Variants in DLGAP2 observed in about 807,000 individuals in gnomAD.
DLGAP2 encodes DLG associated protein 2, also known as disks large-associated protein 2.
A neutral mutation model predicts 100.3 loss-of-function variants in DLGAP2; 26 were observed. The observed-to-expected ratio is 0.26, with a 90% CI of 0.19 to 0.36. The LOEUF is 0.36. DLGAP2 is among the 10% of genes least tolerant of loss of function. DLGAP2 has a pLI of 1.00. For synonymous variants in DLGAP2, 886 were observed against 630.1 expected (o/e 1.41, Z -6.08); for missense variants, 1,858 against 1,453.2 (o/e 1.28, Z -4.53).
chr8:901,283 C>A (rs1373774432), intron 1 of DLGAP2, among the ~76,000 whole-genome samples: 2 of 152,186 alleles, frequency 1.3e-5, no homozygotes, highest in African/African-American at 4.8e-5. Flanking sequence ...CAGAGCAAGA[C>A]CCTGTCTCAT....
intron 8 of DLGAP2, among the ~76,000 whole-genome samples, chr8:1,633,913 G>C (rs1044038639): frequency 6.6e-6 from 1 of 152,218 alleles, no homozygotes; most frequent in South Asian, 2.1e-4. Flanking sequence ...CATAACAGGA[G>C]AGAAGCAAAG....
intron 3 of DLGAP2, among the ~76,000 whole-genome samples, chr8:1,312,302 C>G (rs918355485): frequency 5.3e-5 from 8 of 152,192 alleles, no homozygotes; most frequent in African/African-American, 1.9e-4. Flanking sequence ...AGAGACCGCA[C>G]CGAAGGCACC....
At position 1,622,005 on chromosome 8, in the gene DLGAP2, G is replaced by A. The variant is rs1797356198; in HGVS notation, c.1443-4735G>A. ...TTTACCCTGAATGTGGAAATGATCTGGAAAGAAGCCATTTTCTGAAATCCA... is the reference window on the plus strand; with the variant it reads ...TTTACCCTGAATGTGGAAATGATCTAGAAAGAAGCCATTTTCTGAAATCCA... On this transcript the variant is annotated intron_variant, in intron 6 of 14. Coordinates refer to ENST00000637795, the MANE Select transcript of DLGAP2 (RefSeq NM_001346810.2). 2.0e-5 allele frequency: 3 copies of A among 152,200 alleles called. No homozygotes were observed. The South Asian group carries it at 6.2e-4, about 31-fold the overall frequency. 9.4% of individuals were successfully genotyped at this position (152,200 alleles called of 1,614,324 possible).
intron 2 of DLGAP2, among the ~76,000 whole-genome samples, chr8:1,076,361 T>C (rs1400892120): frequency 6.6e-6 from 1 of 152,224 alleles, no homozygotes; most frequent in Non-Finnish European, 1.5e-5. Flanking sequence ...TACGTGGCAG[T>C]GAGTCGCAGC....
chr8:893,184 C>G (rs1798071464), intron 1 of DLGAP2: 1 of 152,308 alleles, frequency 6.6e-6, no homozygotes, highest in Admixed American at 6.5e-5. Context: ...AGAAGTGGAA[C>G]CGAGGGCAGG....
intron 2 of DLGAP2, among the ~76,000 whole-genome samples, chr8:1,256,033 G>A (rs1347866678): frequency 8.2e-6 from 1 of 121,678 alleles, no homozygotes; most frequent in South Asian, 2.9e-4. Flanking sequence ...TCTCCTGCCC[G>A]GGTGCTGTGT....
chr8:759,852 G>A (rs1198373101), intron 1 of DLGAP2, among the ~76,000 whole-genome samples: 2 of 152,080 alleles, frequency 1.3e-5, no homozygotes, highest in African/African-American at 4.8e-5. Context: ...ACGATAAATT[G>A]CACCTTAATT....
chr8:1,585,348 C>T (rs1400755302), intron 6 of DLGAP2, among the ~76,000 whole-genome samples: 1 of 134,178 alleles, frequency 7.5e-6, no homozygotes, highest in African/African-American at 2.7e-5. Flanking sequence ...CCTGTAATCC[C>T]AGGTACCCAG....
chr8:1,012,227 T>C (rs932481599), intron 2 of DLGAP2, among the ~76,000 whole-genome samples: 1 of 152,196 alleles, frequency 6.6e-6, no homozygotes, highest in African/African-American at 2.4e-5. Context: ...ACACCCCTGC[T>C]GACTTCCATC....
intron 3 of DLGAP2, among the ~76,000 whole-genome samples, chr8:1,444,268 A>G (rs369024781): frequency 1.3e-5 from 2 of 152,226 alleles, no homozygotes; most frequent in African/African-American, 4.8e-5. Flanking sequence ...ATCGTCTTCA[A>G]TACTATGGCT....
intron 4 of DLGAP2, among the ~76,000 whole-genome samples, chr8:1,514,211 T>G (rs553117238): frequency 1.3e-5 from 2 of 152,336 alleles, no homozygotes; most frequent in Admixed American, 6.5e-5. Context: ...TAGAGATATG[T>G]TTTCTCTCCA....
chr8:982,883 A>ATTTT (rs35686773), intron 2 of DLGAP2, among the ~76,000 whole-genome samples: 7 of 117,322 alleles, frequency 6.0e-5, no homozygotes, highest in African/African-American at 1.7e-4. Context: ...TAAAGGTAGG[A>ATTTT]TTTTTTTTTT....
chr8:1,140,606 C>A (rs1328909106), intron 2 of DLGAP2, among the ~76,000 whole-genome samples: 1 of 152,182 alleles, frequency 6.6e-6, no homozygotes, highest in Non-Finnish European at 1.5e-5. Flanking sequence ...CCTCCCTTCC[C>A]TCACTCAGCC....
chr8:1,126,266 A>G (rs1174068199), intron 2 of DLGAP2, among the ~76,000 whole-genome samples: 1 of 152,222 alleles, frequency 6.6e-6, no homozygotes, highest in Non-Finnish European at 1.5e-5. Context: ...TTAAGTAGGT[A>G]GGTCCTTGAA....
intron 2 of DLGAP2, among the ~76,000 whole-genome samples, chr8:925,319 C>T (rs1052612826): frequency 3.9e-5 from 6 of 151,958 alleles, no homozygotes; most frequent in Non-Finnish European, 7.4e-5. Flanking sequence ...GGGGTGTCTC[C>T]TTATGTTGCC....
chr8:1,362,897 C>G (rs193070886), intron 3 of DLGAP2, among the ~76,000 whole-genome samples: 1 of 152,180 alleles, frequency 6.6e-6, no homozygotes, highest in Admixed American at 6.5e-5. Context: ...CTTCTCTTCT[C>G]GTCTTTCCCG....
intron 2 of DLGAP2, among the ~76,000 whole-genome samples, chr8:1,164,217 A>ATG (rs1796959790): frequency 1.6e-4 from 5 of 30,722 alleles, no homozygotes; most frequent in South Asian, 1.1e-3. Context: ...AGGGCCCGTC[A>ATG]TTTTGGTTTG....
chr8:1,210,475 G>A (rs1798080408), intron 2 of DLGAP2, among the ~76,000 whole-genome samples: 1 of 152,208 alleles, frequency 6.6e-6, no homozygotes, highest in South Asian at 2.1e-4. Context: ...GGGAAGGAGA[G>A]GGGCTCAAGC....
intron 4 of DLGAP2, among the ~76,000 whole-genome samples, chr8:1,545,889 G>C (rs759186458): frequency 6.6e-6 from 1 of 152,170 alleles, no homozygotes; most frequent in Non-Finnish European, 1.5e-5. Flanking sequence ...TAGGATACGT[G>C]AGTGGGGCAG....
Sources: allele counts gnomAD v4.1 joint callset (sites outside exome capture counted in the v4.1 genomes callset), GRCh38; gene constraint gnomAD v4.1.1; transcripts MANE v1.5; gene names NCBI Gene and HGNC (gene_info 2026-07-23, HGNC 2026-07-21).